Variants in MAGI1 observed in about 807,000 individuals in gnomAD.
MAGI1 encodes the protein membrane associated guanylate kinase, WW and PDZ domain containing 1, also known as membrane-associated guanylate kinase, WW and PDZ domain-containing protein 1.
Under a neutral mutation model 139.9 loss-of-function variants are expected in MAGI1, and 58 were observed. The observed-to-expected ratio is 0.41, with a 90% CI of 0.34 to 0.52. The LOEUF (loss-of-function observed/expected upper bound fraction) is 0.52, where lower values mean the gene tolerates loss of function less well. Ranked by LOEUF, MAGI1 falls within the 20% of genes least tolerant of loss-of-function variation. The probability of loss-of-function intolerance (pLI) is 0.12; values close to 1 mark genes in which losing one functional copy is unlikely to be tolerated. For missense variants in MAGI1, 1,874 were observed against 1,901.6 expected, an observed-to-expected ratio of 0.99 and a Z score of 0.27; for synonymous variants, 812 against 737.9, an observed-to-expected ratio of 1.10 and a Z score of -1.63.
At chr3:65,480,352 G>A (rs1951193791) in intron 3 of MAGI1, among the ~76,000 whole-genome samples, 1 of 151,826 alleles carries the variant, frequency 6.6e-6, no homozygotes. Context: ...GGGCAACATG[G>A]TAAAATCCTG....
At chr3:65,671,185 T>C (rs1168133618) in intron 1 of MAGI1, among the ~76,000 whole-genome samples, 1 of 152,216 alleles carries the variant, frequency 6.6e-6, no homozygotes, top group Non-Finnish European at 1.5e-5. Context: ...TGCCTAGTAC[T>C]ACAGAGCTGG....
In MAGI1 at chr3:65,415,013, A is replaced by C. The variant is rs1348777190; in HGVS notation, c.2168-13543T>G. On this transcript the variant is annotated intron_variant, in intron 12 of 22. Coordinates refer to ENST00000402939, the MANE Select transcript of MAGI1 (RefSeq NM_001033057.2). ...CATTGCACTCCAGCCTGGGAAAAAA[A>C]AAAAAACAAAAAAAAAAAAAACAGA... is the stretch of plus-strand genomic sequence containing the variant. 9.1e-4 allele frequency among the ~76,000 whole-genome samples: 116 copies of C among 127,908 alleles called. 3 individuals are homozygous for C. The highest frequency in any genetic ancestry group is 3.0e-4 in the South Asian group (1 of 3,364). The allele number at this position is 127,908 out of a possible 152,430, so 83.9% of individuals were successfully genotyped here. A position where few individuals can be genotyped will look rare whatever the true frequency, so the allele number is the denominator to read the frequency against.
intron 1 of MAGI1, among the ~76,000 whole-genome samples, chr3:65,766,706 C>G (rs953944748): frequency 5.3e-5 from 8 of 151,882 alleles, no homozygotes; most frequent in Non-Finnish European, 1.2e-4. Flanking sequence ...CCTGGCCAAT[C>G]TGGTGAAACC....
intron 1 of MAGI1, among the ~76,000 whole-genome samples, chr3:65,728,368 G>A (rs187622209): frequency 6.6e-6 from 1 of 152,324 alleles, no homozygotes; most frequent in East Asian, 1.9e-4. Flanking sequence ...TGGGATCATA[G>A]AGCCCATGGT....
Position 65,633,737 on chromosome 3 carries a change from A to AG in MAGI1, c.314-11650dup, listed in dbSNP as rs2084440573. On this transcript the variant is annotated intron_variant, in intron 1 of 22. Coordinates refer to ENST00000402939, the MANE Select transcript of MAGI1 (RefSeq NM_001033057.2). ...TAAGATAGTGGAATAACATCTGTTC[A>AG]GAAAAAAAATAACAAAGGATTTATA... Among the ~76,000 whole-genome samples the AG allele has an allele frequency of 4.0e-5, 6 of 151,874 alleles. No individual in the cohort carries two copies. The South Asian group carries it at 1.2e-3, about 32-fold the overall frequency.
intron 1 of MAGI1, among the ~76,000 whole-genome samples, chr3:65,790,138 A>G (rs1395306734): frequency 6.6e-6 from 1 of 152,254 alleles, no homozygotes; most frequent in Non-Finnish European, 1.5e-5. Context: ...TGTGCTTAAC[A>G]GGCTAGGCAA....
intron 3 of MAGI1, among the ~76,000 whole-genome samples, chr3:65,487,745 C>T (rs1366027066): frequency 6.6e-6 from 1 of 152,168 alleles, no homozygotes; most frequent in African/African-American, 2.4e-5. Flanking sequence ...GCATAACATC[C>T]TCTTTGGGAA....
intron 1 of MAGI1, among the ~76,000 whole-genome samples, chr3:65,662,901 T>G (rs1249846161): frequency 6.6e-6 from 1 of 152,124 alleles, no homozygotes; most frequent in African/African-American, 2.4e-5. Flanking sequence ...GGTAGACAGG[T>G]TTTGTTCATT....
chr3:65,443,332 T>C (rs73131626), intron 7 of MAGI1, among the ~76,000 whole-genome samples: 9,560 of 152,282 alleles, frequency 0.063, 336 homozygotes, highest in Admixed American at 0.093. Flanking sequence ...CTAATGAAAA[T>C]GCAGTTGGGT....
chr3:65,425,790 C>T (rs1053269576), intron 12 of MAGI1, among the ~76,000 whole-genome samples: 1 of 151,952 alleles, frequency 6.6e-6, no homozygotes, highest in African/African-American at 2.4e-5. Context: ...GTGAATTTGC[C>T]GAATATCCAA....
chr3:65,804,684 A>G (rs2040735525), intron 1 of MAGI1, among the ~76,000 whole-genome samples: 1 of 152,046 alleles, frequency 6.6e-6, no homozygotes. Flanking sequence ...TTCCCAATCA[A>G]ATGTACCCAA....
At chr3:65,412,989 T>C (rs962511541) in intron 12 of MAGI1, among the ~76,000 whole-genome samples, 2 of 152,200 alleles carry the variant, frequency 1.3e-5, no homozygotes, top group African/African-American at 4.8e-5. Context: ...GATAGCTTCA[T>C]ATCCTTACTT....
chr3:65,453,278 A>G lies in MAGI1; in HGVS notation c.1022T>C (p.Leu341Pro). The G allele has an allele frequency of 1.2e-6, 2 of 1,613,364 alleles. No individual in the cohort carries two copies. Among genetic ancestry groups the G allele is most frequent in the South Asian group, 2.2e-5 (2 of 91,056 alleles). ...CTTACCATCATCTTCACACTCTTCCAGTGGCTTCTGCTGCTTGTTTAGGCA... is the reference window on the plus strand; with the variant it reads ...CTTACCATCATCTTCACACTCTTCCGGTGGCTTCTGCTGCTTGTTTAGGCA... ...PRCLNKQQKP[L>P]EECEDDEGVH... is the part of the protein sequence containing the mutation. The change falls in exon 6 of 23, where the codon CTG (leucine) becomes CCG (proline). Residue 341 changes from leucine to proline, a missense_variant. Physicochemically the swap from Leu to Pro is moderately conservative, Grantham distance 98. Coordinates refer to ENST00000402939, the MANE Select transcript of MAGI1 (RefSeq NM_001033057.2).
chr3:65,964,128 C>T (rs746148425), intron 1 of MAGI1, among the ~76,000 whole-genome samples: 1 of 152,174 alleles, frequency 6.6e-6, no homozygotes, highest in Admixed American at 6.5e-5. Context: ...AATTTTAACC[C>T]ATTAAGCACA....
chr3:65,825,621 A>G (rs2042181554), intron 1 of MAGI1, among the ~76,000 whole-genome samples: 1 of 152,210 alleles, frequency 6.6e-6, no homozygotes, highest in Non-Finnish European at 1.5e-5. Context: ...GACTTCTAAA[A>G]CACCTAAAAG....
chr3:65,364,932 T>C lies in MAGI1; in HGVS notation c.3211A>G (p.Thr1071Ala). 6.2e-7 allele frequency: 1 copy of C among 1,613,888 alleles called. No individual in the cohort carries two copies. The highest frequency in any genetic ancestry group is 8.5e-7 in the Non-Finnish European group (1 of 1,179,908). Reference sequence around the variant, plus strand: ...ATCTTCTCTGCATTGGTCAGCAAGGTGGCATTCGAGGACTCTGCAAAGAGG... The same window carrying C: ...ATCTTCTCTGCATTGGTCAGCAAGGCGGCATTCGAGGACTCTGCAAAGAGG... ...IIPGDESSNA[T>A]LLTNAEKIAT... is the part of the protein sequence containing the mutation. The change falls in exon 19 of 23, where the codon ACC (threonine) becomes GCC (alanine). Residue 1071 changes from threonine (T) to alanine (A), a missense_variant. Coordinates refer to ENST00000402939, the MANE Select transcript of MAGI1 (RefSeq NM_001033057.2).
Position 65,808,452 on chromosome 3 carries a change from C to G in MAGI1, c.314-186364G>C, listed in dbSNP as rs566670199. ...AGGCAGAGGTTACAGTCACCCAAATCGTGCCACTGCAATCCAGCCTGGATG... is the reference window on the plus strand; with the variant it reads ...AGGCAGAGGTTACAGTCACCCAAATGGTGCCACTGCAATCCAGCCTGGATG... On this transcript the variant is annotated intron_variant, in intron 1 of 22. Transcript: ENST00000402939. 2.0e-5 allele frequency among the ~76,000 whole-genome samples: 3 copies of G among 152,130 alleles called. No homozygotes were observed. The East Asian group carries it at 5.9e-4, about 30-fold the overall frequency.
intron 5 of MAGI1, among the ~76,000 whole-genome samples, chr3:65,459,749 C>G (rs1949648555): frequency 6.6e-6 from 1 of 151,930 alleles, no homozygotes; most frequent in Non-Finnish European, 1.5e-5. Context: ...ACAGAAAAAC[C>G]CTGTCTCTAT....
intron 1 of MAGI1, among the ~76,000 whole-genome samples, chr3:65,750,996 C>T (rs192900663): frequency 4.6e-5 from 7 of 152,286 alleles, no homozygotes; most frequent in Non-Finnish European, 7.3e-5. Flanking sequence ...CTTCTCTGAA[C>T]CTGTTTCCTC....
Sources: gnomAD v4.1 joint callset for allele counts (sites outside exome capture counted in the v4.1 genomes callset) on GRCh38, gnomAD v4.1.1 for gene constraint, MANE v1.5 for transcripts, NCBI Gene and HGNC (gene_info 2026-07-23, HGNC 2026-07-21) for gene names.